The following NOS1 variants were observed in gnomAD, a reference collection of about 807,000 sequenced individuals.
NOS1 encodes the protein NOS type I.
NOS1 carries 51 observed loss-of-function variants against 164.5 expected under a neutral mutation model. The ratio of observed to expected loss-of-function variants is 0.31; its 90% CI spans 0.25 to 0.39. The LOEUF (loss-of-function observed/expected upper bound fraction) is 0.39. Ranked by LOEUF, NOS1 falls within the 10% of genes least tolerant of loss-of-function variation. The pLI is 1.00. For missense variants in NOS1, 1,362 were observed against 1,885.6 expected (o/e 0.72, Z 5.14); for synonymous variants, 719 against 745.8 (o/e 0.96, Z 0.59).
chr12:117,291,269 T>A (rs2136026822), intron 3 of NOS1, among the ~76,000 whole-genome samples: 1 of 152,118 alleles, frequency 6.6e-6, no homozygotes, highest in East Asian at 1.9e-4. Flanking sequence ...AAGCAAAGAA[T>A]ATTGTCCCCA....
intron 3 of NOS1, among the ~76,000 whole-genome samples, chr12:117,292,670 A>T (rs1873139272): frequency 6.6e-6 from 1 of 152,252 alleles, no homozygotes; most frequent in Admixed American, 6.5e-5. Flanking sequence ...AAAGGAGTCC[A>T]ATCCAGGCAG....
chr12:117,242,754 A>C, intron 19 of NOS1, 49 bp from the exon 20 acceptor site: 1 of 1,558,596 alleles, frequency 6.4e-7, no homozygotes, highest in African/African-American at 1.4e-5. Flanking sequence ...TGAATGTTCC[A>C]TTAAAAACTC....
chr12:117,228,811 C>T (rs1241644027), intron 22 of NOS1, among the ~76,000 whole-genome samples: 1 of 152,060 alleles, frequency 6.6e-6, no homozygotes, highest in African/African-American at 2.4e-5. Context: ...GATGGAGTCT[C>T]ACTCTGCTGC....
intron 11 of NOS1, among the ~76,000 whole-genome samples, chr12:117,265,947 C>T (rs561155007): frequency 0.016 from 2,118 of 130,654 alleles, 29 homozygotes; most frequent in South Asian, 0.058. Flanking sequence ...CCCGCCACCA[C>T]GCCTGGCTAA....
At position 117,226,742 on chromosome 12, in the gene NOS1, T is replaced by C. The variant is rs774990890; in HGVS notation, c.3645A>G (p.Val1215=). ...RDGEGPIHHG[V]CSSWLNRIQA... Reference sequence around the variant, plus strand: ...GTATCCGGTTGAGCCAGGAGGAGCATACGCCGTGGTGAATTGGTCCTTCTC... The same window carrying C: ...GTATCCGGTTGAGCCAGGAGGAGCACACGCCGTGGTGAATTGGTCCTTCTC... The change falls in exon 24 of 29, where the codon GTA becomes GTG. Residue 1215 remains valine, a synonymous_variant. Coordinates refer to ENST00000317775, the MANE Select transcript of NOS1 (RefSeq NM_000620.5). 1.9e-6 allele frequency: 3 copies of C among 1,614,040 alleles called. No homozygotes were observed. Among genetic ancestry groups the C allele is most frequent in the South Asian group, 1.1e-5 (1 of 91,078 alleles).
At chr12:117,231,941 G>T (rs1045857866) in intron 22 of NOS1, 21 bp downstream of exon 22, 2 of 1,604,502 alleles carry the variant, frequency 1.2e-6, no homozygotes, top group Admixed American at 1.7e-5. Flanking sequence ...CCCTAGGGTT[G>T]TGCGAAGCCT....
chr12:117,261,430 T>A (rs1357468014), intron 13 of NOS1, among the ~76,000 whole-genome samples: 1 of 152,062 alleles, frequency 6.6e-6, no homozygotes, highest in Non-Finnish European at 1.5e-5. Flanking sequence ...AGCTATGGAA[T>A]GCAGCTGTCA....
At position 117,210,242 on chromosome 12, in the gene NOS1, A is replaced by G; in HGVS notation, c.*5067T>C. On this transcript the variant is annotated 3_prime_UTR_variant, in exon 29 of 29. Transcript: ENST00000317775. ...GTGATCCTCCCACCTCAGTCTCCCA[A>G]AGTGCTATTACAGGCATGAACCACC... 1 of 965,518 alleles carries G rather than the reference A, an allele frequency of 1.0e-6. No homozygotes were observed. The highest frequency in any genetic ancestry group is 1.2e-6 in the Non-Finnish European group (1 of 812,292). 59.8% of individuals were successfully genotyped at this position (965,518 alleles called of 1,614,324 possible).
chr12:117,227,863 C>CA (rs956692451), intron 22 of NOS1, among the ~76,000 whole-genome samples: 6 of 151,980 alleles, frequency 3.9e-5, no homozygotes, highest in Non-Finnish European at 7.4e-5. Context: ...CCTGTCTCTA[C>CA]AAAAAATTAA....
At chr12:117,360,586 C>G (rs980026166) in intron 1 of NOS1, among the ~76,000 whole-genome samples, 1 of 152,240 alleles carries the variant, frequency 6.6e-6, no homozygotes, top group Non-Finnish European at 1.5e-5. Flanking sequence ...GCCATGACCG[C>G]GGGAGGAGAG....
rs193186419 is a variant in NOS1 at position 117,346,992 on chromosome 12, A to C, written c.-421+14520T>G. Among the ~76,000 whole-genome samples, 126 of 152,268 alleles carry C rather than the reference A, an allele frequency of 8.3e-4. 1 individual carries two copies. The highest frequency in any genetic ancestry group is 6.8e-3 in the Middle Eastern group (2 of 294). ...CCAAATTTGTTATCACCATTTAAAAACTGGAGGTTTCAGGCCGGGCATGGT... is the reference window on the plus strand; with the variant it reads ...CCAAATTTGTTATCACCATTTAAAACCTGGAGGTTTCAGGCCGGGCATGGT... On this transcript the variant is annotated intron_variant, in intron 1 of 28. Transcript: ENST00000317775.
chr12:117,256,065 T>A, intron 16 of NOS1: 1 of 1,257,298 alleles, frequency 8.0e-7, no homozygotes, highest in Non-Finnish European at 1.1e-6. Context: ...TGGTGCCCTA[T>A]CTCTCCCTGA....
In NOS1 at chr12:117,272,955, CTTCT is replaced by C. The variant is rs1390008632; in HGVS notation, c.1665-400_1665-397del. ...GAGCCAAACTCTGTCACCCAAACTT[CTTCT>C]TTCTTTCTTTTTTTTGGGGGGTAGG... On this transcript the variant is annotated intron_variant, in intron 9 of 28. Coordinates refer to ENST00000317775, the MANE Select transcript of NOS1 (RefSeq NM_000620.5). The surrounding 1 kb of genome is among the most constrained non-coding windows in gnomAD (Gnocchi z 4.3). 6.6e-6 allele frequency among the ~76,000 whole-genome samples: 1 copy of C among 152,170 alleles called. No homozygotes were observed. The highest frequency in any genetic ancestry group is 2.4e-5 in the African/African-American group (1 of 41,440).
chr12:117,359,875 T>TA (rs1165364828), intron 1 of NOS1, among the ~76,000 whole-genome samples: 722 of 48,704 alleles, frequency 0.015, 132 homozygotes, highest in East Asian at 0.037. Flanking sequence ...CAATAATGGT[T>TA]TTATATATAT....
In NOS1 at chr12:117,234,895, C is replaced by T. The variant is rs1869571696; in HGVS notation, c.3042-137G>A. ...GGGGCCCGTGCTAACCAAGCCTATG[C>T]CCCCATCATTCTATTATTATTATTA... On this transcript the variant is annotated intron_variant, in intron 20 of 28. Transcript: ENST00000317775. The surrounding 1 kb of genome is among the most constrained non-coding windows in gnomAD (Gnocchi z 4.3). 3 of 548,722 alleles carry T rather than the reference C, an allele frequency of 5.5e-6. No individual in the cohort carries two copies. Among genetic ancestry groups the T allele is most frequent in the Admixed American group, 3.4e-5 (1 of 29,086 alleles). The allele number at this position is 548,722 out of a possible 1,614,324, so 34.0% of individuals were successfully genotyped here.
At chr12:117,317,894 C>T (rs551769997) in intron 2 of NOS1, among the ~76,000 whole-genome samples, 2 of 152,244 alleles carry the variant, frequency 1.3e-5, no homozygotes, top group East Asian at 1.9e-4. Flanking sequence ...ATTCCTGGCC[C>T]GGCATGGTGA....
At chr12:117,220,882 A>G (rs9658530) in intron 26 of NOS1, among the ~76,000 whole-genome samples, 32 of 152,082 alleles carry the variant, frequency 2.1e-4, no homozygotes, top group African/African-American at 7.7e-4. Context: ...CTTGTCCAGG[A>G]AACTCCCACT....
intron 17 of NOS1, among the ~76,000 whole-genome samples, chr12:117,249,347 G>T (rs2135963023): frequency 6.6e-6 from 1 of 152,206 alleles, no homozygotes; most frequent in Middle Eastern, 3.4e-3. Context: ...TATTCTAATT[G>T]GTTCTAAGGA....
chr12:117,234,482 T>C lies in NOS1; in HGVS notation c.3235+83A>G. ...CCACTCTCCTGCCTGGACTGGTGAT[T>C]GGGAAGAAAAGGTATCTTCTTCCCG... is the stretch of plus-strand genomic sequence containing the variant. On this transcript the variant is annotated intron_variant, in intron 21 of 28. Transcript: ENST00000317775. This position sits in a 1 kb window ranked among gnomAD's most constrained non-coding sequence, Gnocchi z 4.3. 1 of 1,420,146 alleles carries C rather than the reference T, an allele frequency of 7.0e-7. No individual in the cohort carries two copies. The highest frequency in any genetic ancestry group is 1.3e-5 in the South Asian group (1 of 76,018). The allele number at this position is 1,420,146 out of a possible 1,614,324, so 88.0% of individuals were successfully genotyped here. A position where few individuals can be genotyped will look rare whatever the true frequency, so the allele number is the denominator to read the frequency against.
Sources: gnomAD v4.1 joint callset for allele counts (sites outside exome capture counted in the v4.1 genomes callset) on GRCh38, gnomAD v4.1.1 for gene constraint, Gnocchi (gnomAD v3.1) non-coding constraint, MANE v1.5 for transcripts, NCBI Gene and HGNC (gene_info 2026-07-23, HGNC 2026-07-21) for gene names.